Variants in RPH3AL observed in about 807,000 individuals in gnomAD.
RPH3AL encodes the protein rab effector Noc2.
Under a neutral mutation model 43.1 loss-of-function variants are expected in RPH3AL, and 38 were observed. The ratio of observed to expected loss-of-function variants is 0.88; its 90% CI spans 0.68 to 1.15. RPH3AL has a LOEUF of 1.15. Among genes scored for constraint, RPH3AL ranks in the 50% most tolerant of loss-of-function variants. The pLI is 0.00. For synonymous variants in RPH3AL, 189 were observed against 176.3 expected (o/e 1.07, Z -0.57); for missense variants, 462 against 423.2 (o/e 1.09, Z -0.81).
chr17:347,395 G>A (rs1207154926), intron 1 of RPH3AL, among the ~76,000 whole-genome samples: 1 of 152,212 alleles, frequency 6.6e-6, no homozygotes, highest in Non-Finnish European at 1.5e-5. Flanking sequence ...AACCTGGGTA[G>A]CACAGTGGGA....
chr17:307,799 G>C (rs2043539381), intron 5 of RPH3AL, among the ~76,000 whole-genome samples: 1 of 152,238 alleles, frequency 6.6e-6, no homozygotes, highest in African/African-American at 2.4e-5. Flanking sequence ...CAAGATAGCT[G>C]CTCCTTCTTT....
intron 8 of RPH3AL, among the ~76,000 whole-genome samples, chr17:217,558 G>A (rs8070989): frequency 3.8e-4 from 19 of 49,658 alleles, no homozygotes; most frequent in Non-Finnish European, 5.6e-4. Context: ...AAGGCATTTC[G>A]TTCCCATCTG....
chr17:334,228 G>T lies in RPH3AL; in HGVS notation c.-212-294C>A, dbSNP rs115321582. On this transcript the variant is annotated intron_variant, in intron 1 of 9. Transcript: ENST00000331302. ...GCATAGTCATCACTCCAGGAGAACC[G>T]CGGCTCGACCCTGACCTTCCAAAAC... Among the ~76,000 whole-genome samples, 1,362 of 152,338 alleles carry T rather than the reference G, an allele frequency of 8.9e-3. 21 individuals carry two copies. Among genetic ancestry groups the T allele is most frequent in the African/African-American group, 0.03 (1,258 of 41,580 alleles).
intron 5 of RPH3AL, among the ~76,000 whole-genome samples, chr17:294,286 AC>A (rs2068843794): frequency 1.0e-5 from 1 of 97,730 alleles, no homozygotes; most frequent in East Asian, 3.1e-4. Context: ...ACATAGCAAG[AC>A]CCCGTCTCTA....
intron 6 of RPH3AL, 23 bp from the exon 7 acceptor site, chr17:247,308 T>C (rs1555540593): frequency 1.2e-5 from 19 of 1,544,552 alleles, no homozygotes; most frequent in Non-Finnish European, 1.7e-5. Flanking sequence ...AGAGAGCTGC[T>C]TGGGGCACAG....
intron 5 of RPH3AL, among the ~76,000 whole-genome samples, chr17:297,037 C>T (rs1321833328): frequency 1.1e-4 from 16 of 152,260 alleles, no homozygotes; most frequent in Non-Finnish European, 2.4e-4. Context: ...CCATAGCCAC[C>T]CCTCTGCGGA....
At position 328,774 on chromosome 17, in the gene RPH3AL, T is replaced by C. The variant is rs1424968940; in HGVS notation, c.-36-1195A>G. On this transcript the variant is annotated intron_variant, in intron 2 of 9. Coordinates refer to ENST00000331302, the MANE Select transcript of RPH3AL (RefSeq NM_006987.4). The surrounding 1 kb of genome is among the most constrained non-coding windows in gnomAD (Gnocchi z 4.2). ...TGGATTATTATTATTTACAATGGAG[T>C]ATGATTTACAATGGATTATTATTTG... Among the ~76,000 whole-genome samples the C allele has an allele frequency of 6.6e-6, 1 of 152,202 alleles. No homozygotes were observed. Among genetic ancestry groups the C allele is most frequent in the Non-Finnish European group, 1.5e-5 (1 of 68,038 alleles).
At position 328,837 on chromosome 17, in the gene RPH3AL, C is replaced by T. The variant is rs1049521861; in HGVS notation, c.-36-1258G>A. On this transcript the variant is annotated intron_variant, in intron 2 of 9. Coordinates refer to ENST00000331302, the MANE Select transcript of RPH3AL (RefSeq NM_006987.4). This position sits in a 1 kb window ranked among gnomAD's most constrained non-coding sequence, Gnocchi z 4.2. ...AATGAAGTGCTAATACCAGCTACAA[C>T]ATGGATGAATCTTTAAAACATCCTA... Among the ~76,000 whole-genome samples, 6 of 152,188 alleles carry T rather than the reference C, an allele frequency of 3.9e-5. No homozygotes were observed. Among genetic ancestry groups the T allele is most frequent in the Admixed American group, 6.5e-5 (1 of 15,280 alleles).
chr17:219,118 TAGA>T (rs1448774607), intron 8 of RPH3AL, among the ~76,000 whole-genome samples: 1 of 149,754 alleles, frequency 6.7e-6, no homozygotes, highest in African/African-American at 2.5e-5. Flanking sequence ...CTTCCAGATG[TAGA>T]AGAACTCCTT....
chr17:251,546 T>C (rs2041901535), intron 6 of RPH3AL, among the ~76,000 whole-genome samples: 2 of 152,216 alleles, frequency 1.3e-5, no homozygotes, highest in African/African-American at 4.8e-5. Flanking sequence ...TAAACTGCAG[T>C]TGAGTGGTGA....
chr17:341,801 G>T (rs763075320), intron 1 of RPH3AL, among the ~76,000 whole-genome samples: 3 of 152,040 alleles, frequency 2.0e-5, no homozygotes. Context: ...TCCCACCTCG[G>T]CCCCCCAGAT....
intron 1 of RPH3AL, among the ~76,000 whole-genome samples, chr17:343,478 G>A (rs1180236980): frequency 6.6e-6 from 1 of 152,224 alleles, no homozygotes; most frequent in Non-Finnish European, 1.5e-5. Context: ...AAAGGGCAGT[G>A]GTTACAGGTC....
Position 248,514 on chromosome 17 carries a change from C to T in RPH3AL, c.439-1229G>A, listed in dbSNP as rs534000153. Among the ~76,000 whole-genome samples the T allele has an allele frequency of 9.0e-4, 137 of 152,224 alleles. 1 individual carries two copies. The highest frequency in any genetic ancestry group is 3.2e-3 in the African/African-American group (131 of 41,506). ...TGCCCTGGGGAAGTGGTGAGAGTCA[C>T]CCTAAAGCTGGCCAGACAGACACCC... On this transcript the variant is annotated intron_variant, in intron 6 of 9. Transcript: ENST00000331302.
chr17:305,396 C>T lies in RPH3AL; in HGVS notation c.351+14024G>A, dbSNP rs367548866. The stretch of plus-strand genomic sequence containing the variant: ...TGGGGTGGTGCCTGCCTGGCAGCTG[C>T]GGGGGCTGGGGAGGGAAGGGCTACT... On this transcript the variant is annotated intron_variant, in intron 5 of 9. Coordinates refer to ENST00000331302, the MANE Select transcript of RPH3AL (RefSeq NM_006987.4). Among the ~76,000 whole-genome samples the T allele has an allele frequency of 5.0e-4, 76 of 152,032 alleles. 1 individual carries two copies. In the Middle Eastern group the frequency reaches 0.01, roughly 20 times the overall value.
chr17:316,592 C>T (rs867844226), intron 5 of RPH3AL, among the ~76,000 whole-genome samples: 8,652 of 139,848 alleles, frequency 0.062, 657 homozygotes, highest in African/African-American at 0.19. Flanking sequence ...GACCTGTAGT[C>T]CCTGTGCTCC....
At chr17:321,141 C>G (rs891997144) in intron 4 of RPH3AL, 131 bp downstream of exon 4, 6 of 1,172,292 alleles carry the variant, frequency 5.1e-6, no homozygotes, top group Non-Finnish European at 7.2e-6. Context: ...GGGCTGGAGT[C>G]AGGGACCTCC....
At position 289,845 on chromosome 17, in the gene RPH3AL, G is replaced by A. The variant is rs1021266931; in HGVS notation, c.352-7991C>T. On this transcript the variant is annotated intron_variant, in intron 5 of 9. Coordinates refer to ENST00000331302, the MANE Select transcript of RPH3AL (RefSeq NM_006987.4). The surrounding 1 kb of genome is among the most constrained non-coding windows in gnomAD (Gnocchi z 5.2). ...CTCAGCAAAAGCACCACATCTTCAA[G>A]GAAGACTTCCGCAACACTCCTTCCA... is the stretch of plus-strand genomic sequence containing the variant. 3.9e-5 allele frequency among the ~76,000 whole-genome samples: 6 copies of A among 152,158 alleles called. No individual in the cohort carries two copies. Among genetic ancestry groups the A allele is most frequent in the Admixed American group, 3.9e-4 (6 of 15,286 alleles).
rs372396220 is a variant in RPH3AL, at chr17:229,413, A to C, written c.614-9677T>G. Among the ~76,000 whole-genome samples the C allele has an allele frequency of 1.9e-3, 284 of 152,384 alleles. 1 individual carries two copies. Among genetic ancestry groups the C allele is most frequent in the Non-Finnish European group, 3.4e-3 (229 of 68,042 alleles). On this transcript the variant is annotated intron_variant, in intron 7 of 9. Coordinates refer to ENST00000331302, the MANE Select transcript of RPH3AL (RefSeq NM_006987.4). ...CAGGACAGGAAACCGCACTGTACAA[A>C]GACAGCAGGGCCAGCTGGGGTCAGC... is the stretch of plus-strand genomic sequence containing the variant.
At chr17:279,929 C>T (rs2042738489) in intron 6 of RPH3AL, among the ~76,000 whole-genome samples, 1 of 152,164 alleles carries the variant, frequency 6.6e-6, no homozygotes, top group South Asian at 2.1e-4. Flanking sequence ...AACTGTGGAG[C>T]AGACATTATT....
Sources: gnomAD v4.1 joint callset for allele counts (sites outside exome capture counted in the v4.1 genomes callset) on GRCh38, gnomAD v4.1.1 for gene constraint, Gnocchi (gnomAD v3.1) non-coding constraint, MANE v1.5 for transcripts, NCBI Gene and HGNC (gene_info 2026-07-23, HGNC 2026-07-21) for gene names.